Variants in CNTN1 observed in about 807,000 individuals in gnomAD.
CNTN1 encodes the protein contactin 1.
In CNTN1, 38 loss-of-function variants were observed where a neutral mutation model predicts 126.4. The observed-to-expected ratio is 0.30, with a 90% CI of 0.23 to 0.39. The LOEUF is 0.39. CNTN1 is among the 10% of genes least tolerant of loss of function. CNTN1 has a pLI of 1.00. For missense variants in CNTN1, 1,009 were observed against 1,248.4 expected (o/e 0.81, Z 2.89); for synonymous variants, 413 against 422.6 (o/e 0.98, Z 0.28).
intron 1 of CNTN1, among the ~76,000 whole-genome samples, chr12:40,701,965 G>A (rs1049839298): frequency 6.6e-6 from 1 of 152,108 alleles, no homozygotes; most frequent in Non-Finnish European, 1.5e-5. Context: ...CAGGTACCCC[G>A]CTTCCAGCCC....
intron 1 of CNTN1, among the ~76,000 whole-genome samples, chr12:40,811,655 T>C (rs1014296119): frequency 6.6e-6 from 1 of 152,182 alleles, no homozygotes; most frequent in African/African-American, 2.4e-5. Flanking sequence ...TAGGAATTTA[T>C]TGATTTCTTC....
intron 1 of CNTN1, among the ~76,000 whole-genome samples, chr12:40,856,954 C>A (rs1327100185): frequency 6.6e-6 from 1 of 152,072 alleles, no homozygotes; most frequent in Admixed American, 6.6e-5. Context: ...CAATGTTTTA[C>A]AAACATATAC....
chr12:40,693,858 G>GA, intron 1 of CNTN1, among the ~76,000 whole-genome samples: 1 of 152,154 alleles, frequency 6.6e-6, no homozygotes, highest in Non-Finnish European at 1.5e-5. Flanking sequence ...AACCCTGCGT[G>GA]AAATAATGTT....
chr12:40,862,208 T>TAC (rs145686900), intron 1 of CNTN1, among the ~76,000 whole-genome samples: 4,538 of 147,300 alleles, frequency 0.031, 156 homozygotes, highest in African/African-American at 0.087. Flanking sequence ...TGTCTCTTAA[T>TAC]ACACACACAC....
At chr12:40,805,898 A>G (rs1333425706) in intron 1 of CNTN1, among the ~76,000 whole-genome samples, 2 of 152,094 alleles carry the variant, frequency 1.3e-5, no homozygotes, top group Non-Finnish European at 2.9e-5. Context: ...ACAGGCTTCA[A>G]ATTTCTCTAG....
At chr12:40,850,049 A>G (rs1942662429) in intron 1 of CNTN1, among the ~76,000 whole-genome samples, 1 of 152,056 alleles carries the variant, frequency 6.6e-6, no homozygotes, top group Non-Finnish European at 1.5e-5. Flanking sequence ...TTAGAAAATG[A>G]TATTGATGTA....
At chr12:40,827,603 T>A (rs1941656676) in intron 1 of CNTN1, among the ~76,000 whole-genome samples, 1 of 152,188 alleles carries the variant, frequency 6.6e-6, no homozygotes, top group South Asian at 2.1e-4. Flanking sequence ...ATCTTTTGAA[T>A]AAAAGACAGC....
chr12:40,805,716 T>C (rs982070253), intron 1 of CNTN1, among the ~76,000 whole-genome samples: 1 of 151,844 alleles, frequency 6.6e-6, no homozygotes, highest in Admixed American at 6.6e-5. Context: ...TGTGTGTGTA[T>C]GTGTGTGTAT....
intron 1 of CNTN1, among the ~76,000 whole-genome samples, chr12:40,907,769 G>A (rs1213579567): frequency 6.6e-6 from 1 of 152,194 alleles, no homozygotes; most frequent in African/African-American, 2.4e-5. Context: ...AAGTAAAAGG[G>A]ATGAGGAGGA....
chr12:40,849,870 A>G (rs1423984801), intron 1 of CNTN1, among the ~76,000 whole-genome samples: 1 of 152,048 alleles, frequency 6.6e-6, no homozygotes, highest in Non-Finnish European at 1.5e-5. Context: ...TGAGATACAT[A>G]TATGGTACAT....
chr12:40,958,613 A>G (rs540703506), intron 14 of CNTN1, among the ~76,000 whole-genome samples: 1 of 152,058 alleles, frequency 6.6e-6, no homozygotes, highest in Non-Finnish European at 1.5e-5. Flanking sequence ...AACAGAGTAC[A>G]TGTTAGTGGA....
At chr12:40,829,689 G>A (rs189746969) in intron 1 of CNTN1, among the ~76,000 whole-genome samples, 19 of 152,188 alleles carry the variant, frequency 1.2e-4, no homozygotes, top group African/African-American at 3.9e-4. Flanking sequence ...TCTAGTTTAG[G>A]TATAAGAGGA....
chr12:40,961,388 T>C (rs1947101898), intron 15 of CNTN1, among the ~76,000 whole-genome samples: 1 of 152,190 alleles, frequency 6.6e-6, no homozygotes, highest in East Asian at 1.9e-4. Flanking sequence ...ATATGCTTTA[T>C]ATATTTAAAC....
chr12:40,900,839 A>G (rs985121101), intron 1 of CNTN1, among the ~76,000 whole-genome samples: 1 of 152,198 alleles, frequency 6.6e-6, no homozygotes, highest in Non-Finnish European at 1.5e-5. Flanking sequence ...AAAATATTAA[A>G]TGAATATTAA....
At chr12:40,780,062 AGT>A (rs1939731698) in intron 1 of CNTN1, among the ~76,000 whole-genome samples, 1 of 151,938 alleles carries the variant, frequency 6.6e-6, no homozygotes, top group South Asian at 2.1e-4. Flanking sequence ...TTCAGACCGA[AGT>A]GTGTTCTCTT....
At chr12:40,805,551 T>A (rs1119062) in intron 1 of CNTN1, among the ~76,000 whole-genome samples, 73,302 of 151,978 alleles carry the variant, frequency 0.48, 18,757 homozygotes, top group East Asian at 0.75. Context: ...CTGCTTAAAT[T>A]CTCACTTTGT....
intron 1 of CNTN1, among the ~76,000 whole-genome samples, chr12:40,816,869 C>T (rs1941272892): frequency 6.6e-6 from 1 of 152,146 alleles, no homozygotes; most frequent in African/African-American, 2.4e-5. Flanking sequence ...TTTCAAATAA[C>T]TTCTTGATTT....
intron 16 of CNTN1, among the ~76,000 whole-genome samples, chr12:40,987,808 A>G (rs565653646): frequency 6.6e-6 from 1 of 152,306 alleles, no homozygotes; most frequent in South Asian, 2.1e-4. Context: ...ATCGCTCTGC[A>G]ATAAAGTAGA....
Position 40,835,182 on chromosome 12 carries a change from C to T in CNTN1, c.-76-73175C>T, listed in dbSNP as rs371629755. ...GAGGATAAAGAAGACCATTACAAGT[C>T]ATTTGGTCTCTCTTCTGCCTTCAGA... On this transcript the variant is annotated intron_variant, in intron 1 of 23. Transcript: ENST00000551295. Among the ~76,000 whole-genome samples the T allele has an allele frequency of 3.3e-5, 5 of 152,258 alleles. No individual in the cohort carries two copies. In the East Asian group the frequency reaches 7.7e-4, roughly 24 times the overall value.
Sources: gnomAD v4.1 joint callset for allele counts (sites outside exome capture counted in the v4.1 genomes callset) on GRCh38, gnomAD v4.1.1 for gene constraint, MANE v1.5 for transcripts, NCBI Gene and HGNC (gene_info 2026-07-23, HGNC 2026-07-21) for gene names.